Variants in RB1 observed in about 807,000 individuals in gnomAD.
RB1 encodes retinoblastoma-associated protein.
RB1 carries 18 observed loss-of-function variants against 135.4 expected under a neutral mutation model. The ratio of observed to expected loss-of-function variants is 0.13; its 90% CI spans 0.09 to 0.20. The LOEUF is 0.20. RB1 is among the 10% of genes least tolerant of loss of function. The probability of loss-of-function intolerance (pLI) is 1.00; values close to 1 mark genes in which losing one functional copy is unlikely to be tolerated. For synonymous variants in RB1, 365 were observed against 373.2 expected (o/e 0.98, Z 0.25); for missense variants, 868 against 1,110.0 (o/e 0.78, Z 3.10).
chr13:48,410,075 A>G (rs1488241986), intron 17 of RB1, among the ~76,000 whole-genome samples: 1 of 152,160 alleles, frequency 6.6e-6, no homozygotes, highest in African/African-American at 2.4e-5. Context: ...AATCATTTTG[A>G]CGTACAATAA....
intron 17 of RB1, among the ~76,000 whole-genome samples, chr13:48,431,230 T>C (rs1949126674): frequency 6.6e-6 from 1 of 152,198 alleles, no homozygotes. Context: ...TTCTCAGTTT[T>C]AGGTACCCAA....
chr13:48,310,404 T>C (rs1334960079), intron 2 of RB1, among the ~76,000 whole-genome samples: 1 of 152,024 alleles, frequency 6.6e-6, no homozygotes, highest in Non-Finnish European at 1.5e-5. Context: ...GGATTAAGAG[T>C]CAAACAGATA....
chr13:48,381,967 T>C (rs1401329405), intron 17 of RB1, among the ~76,000 whole-genome samples: 1 of 152,166 alleles, frequency 6.6e-6, no homozygotes, highest in African/African-American at 2.4e-5. Context: ...GTCTTGGCAA[T>C]AGTTTGCTCA....
intron 2 of RB1, among the ~76,000 whole-genome samples, chr13:48,332,198 A>G (rs1952343574): frequency 6.6e-6 from 1 of 152,242 alleles, no homozygotes; most frequent in Non-Finnish European, 1.5e-5. Flanking sequence ...TACAAACAGT[A>G]AAAAGGTGGT....
intron 18 of RB1, among the ~76,000 whole-genome samples, chr13:48,454,454 T>G (rs977212137): frequency 2.6e-5 from 4 of 152,218 alleles, no homozygotes; most frequent in African/African-American, 9.6e-5. Flanking sequence ...TAAGCCTTGT[T>G]TTTTTAAAAT....
intron 20 of RB1, among the ~76,000 whole-genome samples, chr13:48,460,854 C>T (rs565768808): frequency 3.9e-4 from 60 of 152,104 alleles, no homozygotes; most frequent in African/African-American, 1.2e-3. Context: ...CCAGCTACTT[C>T]GGAGACTGAA....
At chr13:48,424,823 C>G (rs1408772694) in intron 17 of RB1, among the ~76,000 whole-genome samples, 1 of 152,038 alleles carries the variant, frequency 6.6e-6, no homozygotes, top group Non-Finnish European at 1.5e-5. Context: ...GAGGCCAAGG[C>G]GGGCAGACCT....
intron 17 of RB1, among the ~76,000 whole-genome samples, chr13:48,383,034 G>A (rs1393931163): frequency 6.6e-6 from 1 of 152,074 alleles, no homozygotes; most frequent in South Asian, 2.1e-4. Context: ...TGAGGGCCCT[G>A]TTCTAAACCA....
intron 21 of RB1, 132 bp from the exon 22 acceptor site, chr13:48,464,866 T>A: frequency 1.0e-6 from 1 of 978,200 alleles, no homozygotes; most frequent in Non-Finnish European, 1.4e-6. Flanking sequence ...CTTTATAATA[T>A]GTGCTTCTTA....
intron 17 of RB1, among the ~76,000 whole-genome samples, chr13:48,447,715 G>A (rs1256785845): frequency 2.0e-5 from 3 of 152,120 alleles, no homozygotes; most frequent in African/African-American, 7.2e-5. Context: ...TGGCTCCAGA[G>A]TTTGTGCTCC....
chr13:48,351,971 G>A (rs537458475), intron 6 of RB1, among the ~76,000 whole-genome samples: 3 of 151,878 alleles, frequency 2.0e-5, no homozygotes, highest in South Asian at 2.1e-4. Context: ...ACCACACCTG[G>A]CCTGGCCATC....
intron 17 of RB1, among the ~76,000 whole-genome samples, chr13:48,419,458 A>G (rs983202057): frequency 5.3e-5 from 8 of 152,218 alleles, no homozygotes; most frequent in African/African-American, 1.9e-4. Context: ...TTGACACCCT[A>G]ACATCACAAT....
intron 17 of RB1, among the ~76,000 whole-genome samples, chr13:48,447,296 T>C (rs887862418): frequency 2.6e-5 from 4 of 152,124 alleles, no homozygotes; most frequent in Admixed American, 6.5e-5. Flanking sequence ...CAAGTGAAGA[T>C]GTTGAGTAAG....
chr13:48,312,659 A>T (rs1952141191), intron 2 of RB1, among the ~76,000 whole-genome samples: 1 of 152,100 alleles, frequency 6.6e-6, no homozygotes, highest in Non-Finnish European at 1.5e-5. Flanking sequence ...ATCTTTTTGC[A>T]TTGCCTCTCA....
At chr13:48,425,372 G>C (rs1416111487) in intron 17 of RB1, among the ~76,000 whole-genome samples, 1 of 152,180 alleles carries the variant, frequency 6.6e-6, no homozygotes, top group East Asian at 1.9e-4. Context: ...GTCCTACTCT[G>C]AATTCCTGGA....
chr13:48,317,559 A>G, intron 2 of RB1: 2 of 437,606 alleles, frequency 4.6e-6, no homozygotes, highest in Non-Finnish European at 8.2e-6. Context: ...TGGGCAGCTG[A>G]ATAAAAGCAC....
intron 2 of RB1, among the ~76,000 whole-genome samples, chr13:48,321,349 C>T (rs372118426): frequency 1.1e-4 from 8 of 71,298 alleles, no homozygotes; most frequent in South Asian, 1.4e-3. Flanking sequence ...CCTCGGCTCC[C>T]GCGCGGGGAG....
intron 4 of RB1, among the ~76,000 whole-genome samples, chr13:48,345,616 A>G (rs4151462): frequency 0.024 from 3,622 of 152,254 alleles, 153 homozygotes; most frequent in African/African-American, 0.083. Flanking sequence ...TGTACTCCCA[A>G]TGGTGGCTTA....
At chr13:48,466,100 G>A (rs1404243110) in intron 23 of RB1, among the ~76,000 whole-genome samples, 1 of 150,408 alleles carries the variant, frequency 6.6e-6, no homozygotes, top group Non-Finnish European at 1.5e-5. Context: ...CCACCTCTGG[G>A]GGCAGGGCAC....
Sources: allele counts gnomAD v4.1 joint callset (sites outside exome capture counted in the v4.1 genomes callset), GRCh38; gene constraint gnomAD v4.1.1; transcripts MANE v1.5; gene names NCBI Gene and HGNC (gene_info 2026-07-23, HGNC 2026-07-21).